CASTOR2: variants seen among roughly 807,000 people sequenced by gnomAD.
CASTOR2 encodes GATS protein like 2.
In CASTOR2, 8 loss-of-function variants were observed where a neutral mutation model predicts 31.2. The observed-to-expected ratio is 0.26, with a 90% CI of 0.15 to 0.46. The LOEUF (loss-of-function observed/expected upper bound fraction) is 0.46, where lower values mean the gene tolerates loss of function less well. Among genes scored for constraint, CASTOR2 ranks in the 20% least tolerant of loss-of-function variants. CASTOR2 has a pLI of 0.99. For missense variants in CASTOR2, 216 were observed against 382.1 expected, an observed-to-expected ratio of 0.57 and a Z score of 3.62; for synonymous variants, 162 against 158.7, an observed-to-expected ratio of 1.02 and a Z score of -0.16.
intron 1 of CASTOR2, among the ~76,000 whole-genome samples, chr7:75,005,160 C>T (rs1804579764): frequency 6.6e-6 from 1 of 152,178 alleles, no homozygotes; most frequent in African/African-American, 2.4e-5. Flanking sequence ...AGCCACCGCA[C>T]CCGGCCTAAA....
At chr7:74,975,294 A>G (rs1270219589) in intron 1 of CASTOR2, among the ~76,000 whole-genome samples, 12 of 150,752 alleles carry the variant, frequency 8.0e-5, no homozygotes, top group African/African-American at 2.9e-4. Context: ...GATTTTTTGT[A>G]CAGAGGGGGT....
In CASTOR2 at chr7:75,030,627, G is replaced by A. The variant is rs2131965516; in HGVS notation, c.*5928G>A. Reference sequence around the variant, plus strand: ...GGAGGCCTCAGTCCTTCCCCAGGTGGGCCAACCCACAGGGCTGCTTGAGTG... The same window carrying A: ...GGAGGCCTCAGTCCTTCCCCAGGTGAGCCAACCCACAGGGCTGCTTGAGTG... On this transcript the variant is annotated 3_prime_UTR_variant, in exon 9 of 9. Coordinates refer to ENST00000616305, the MANE Select transcript of CASTOR2 (RefSeq NM_001145064.3). Among the ~76,000 whole-genome samples the A allele has an allele frequency of 6.6e-6, 1 of 152,226 alleles. No homozygotes were observed. Among genetic ancestry groups the A allele is most frequent in the East Asian group, 1.9e-4 (1 of 5,180 alleles).
intron 1 of CASTOR2, among the ~76,000 whole-genome samples, chr7:75,000,505 G>A (rs1804468827): frequency 6.6e-6 from 1 of 152,132 alleles, no homozygotes; most frequent in Non-Finnish European, 1.5e-5. Context: ...CTTTAAGTAA[G>A]GCCCGAGAAT....
chr7:75,006,454 C>T (rs1309075417), intron 1 of CASTOR2, among the ~76,000 whole-genome samples: 1 of 152,174 alleles, frequency 6.6e-6, no homozygotes, highest in East Asian at 1.9e-4. Context: ...TGCAGGGCAG[C>T]TGGCAGGAGA....
chr7:75,011,602 G>C (rs1464934145), intron 2 of CASTOR2, among the ~76,000 whole-genome samples: 1 of 151,268 alleles, frequency 6.6e-6, no homozygotes, highest in Non-Finnish European at 1.5e-5. Flanking sequence ...CAGGCGTGGT[G>C]GTGGGCGCCT....
chr7:74,996,941 G>T (rs1211169425), intron 1 of CASTOR2, among the ~76,000 whole-genome samples: 2 of 150,218 alleles, frequency 1.3e-5, no homozygotes, highest in Admixed American at 6.7e-5. Context: ...CACCATGTTG[G>T]CCAGGTTGGT....
At chr7:75,011,286 G>A (rs1295189295) in intron 2 of CASTOR2, among the ~76,000 whole-genome samples, 5 of 151,828 alleles carry the variant, frequency 3.3e-5, no homozygotes, top group Admixed American at 6.6e-5. Context: ...AAAATTACCC[G>A]GGCATGGGGA....
intron 1 of CASTOR2, among the ~76,000 whole-genome samples, chr7:74,993,307 G>C (rs1372067574): frequency 6.6e-6 from 1 of 152,120 alleles, no homozygotes; most frequent in Non-Finnish European, 1.5e-5. Context: ...CTAGGTGTAT[G>C]CAAATGCAGG....
In CASTOR2 at chr7:75,025,337, C is replaced by G. The variant is rs919513216; in HGVS notation, c.*638C>G. On this transcript the variant is annotated 3_prime_UTR_variant, in exon 9 of 9. Coordinates refer to ENST00000616305, the MANE Select transcript of CASTOR2 (RefSeq NM_001145064.3). The stretch of plus-strand genomic sequence containing the variant: ...GCCTGCCAACCACAGGGCCTGGGCC[C>G]GACTCCCAGCAAGACTGCCAAGAGG... Among the ~76,000 whole-genome samples, 1 of 152,182 alleles carries G rather than the reference C, an allele frequency of 6.6e-6. No individual in the cohort carries two copies.
Position 75,024,827 on chromosome 7 carries a change from G to T in CASTOR2, c.*128G>T, listed in dbSNP as rs1213647356. ...CCCTGAGGAAGGGGCCTCTGTGGGA[G>T]ACTCCCTCGATTGCCAATCCCTCCA... On this transcript the variant is annotated 3_prime_UTR_variant, in exon 9 of 9. Transcript: ENST00000616305. 5 of 1,547,570 alleles carry T rather than the reference G, an allele frequency of 3.2e-6. No homozygotes were observed. The highest frequency in any genetic ancestry group is 4.4e-6 in the Non-Finnish European group (5 of 1,145,970).
chr7:74,986,467 G>A (rs1192183336), intron 1 of CASTOR2, among the ~76,000 whole-genome samples: 1 of 149,192 alleles, frequency 6.7e-6, no homozygotes, highest in Non-Finnish European at 1.5e-5. Context: ...TCCAGCCTGG[G>A]CAACAGAGGG....
chr7:75,007,394 A>G (rs1217899086), intron 1 of CASTOR2, among the ~76,000 whole-genome samples: 1 of 152,034 alleles, frequency 6.6e-6, no homozygotes, highest in East Asian at 1.9e-4. Context: ...TCCCAGGCTG[A>G]GTGGTGCTAT....
intron 7 of CASTOR2, among the ~76,000 whole-genome samples, chr7:75,022,271 G>A (rs1011664459): frequency 1.3e-5 from 2 of 152,180 alleles, no homozygotes; most frequent in Non-Finnish European, 2.9e-5. Context: ...TTGGGAGGCC[G>A]AGGTGGAAAG....
At position 75,028,548 on chromosome 7, in the gene CASTOR2, C is replaced by G. The variant is rs1805206969; in HGVS notation, c.*3849C>G. 1.3e-5 allele frequency among the ~76,000 whole-genome samples: 2 copies of G among 152,124 alleles called. 1 individual carries two copies. The highest frequency in any genetic ancestry group is 2.9e-5 in the Non-Finnish European group (2 of 68,014). On this transcript the variant is annotated 3_prime_UTR_variant, in exon 9 of 9. Coordinates refer to ENST00000616305, the MANE Select transcript of CASTOR2 (RefSeq NM_001145064.3). The stretch of plus-strand genomic sequence containing the variant: ...GATAGTCTCAACCCCACCCTCTCCC[C>G]TTGCTGCACTCAGAGTACCAGTGGG...
In CASTOR2 at chr7:75,028,199, C is replaced by G. The variant is rs1482547346; in HGVS notation, c.*3500C>G. The G allele has an allele frequency of 1.8e-5, 17 of 921,302 alleles. No individual in the cohort carries two copies. The highest frequency in any genetic ancestry group is 2.5e-5 in the Non-Finnish European group (16 of 635,032). The allele number at this position is 921,302 out of a possible 1,614,324, so 57.1% of individuals were successfully genotyped here. ...GTGGCATGATCTCAGCTCACTGCAG[C>G]AACCTCCACTTCCTGGGTTCAAGCG... On this transcript the variant is annotated 3_prime_UTR_variant, in exon 9 of 9. Coordinates refer to ENST00000616305, the MANE Select transcript of CASTOR2 (RefSeq NM_001145064.3).
At chr7:75,015,031 C>G (rs1804836075) in intron 2 of CASTOR2, among the ~76,000 whole-genome samples, 1 of 152,236 alleles carries the variant, frequency 6.6e-6, no homozygotes, top group African/African-American at 2.4e-5. Flanking sequence ...AGCCGCCTGC[C>G]TCTCTAGCCA....
chr7:75,010,773 C>T (rs1186843715), intron 2 of CASTOR2, among the ~76,000 whole-genome samples: 1 of 152,044 alleles, frequency 6.6e-6, no homozygotes, highest in Admixed American at 6.6e-5. Context: ...GGGTGCGTTT[C>T]CTGGTCAGCA....
intron 2 of CASTOR2, among the ~76,000 whole-genome samples, chr7:75,010,544 G>A (rs1436707475): frequency 6.6e-6 from 1 of 152,106 alleles, no homozygotes; most frequent in Non-Finnish European, 1.5e-5. Flanking sequence ...CTGGCCCAGG[G>A]AAGGAATTGC....
Position 75,026,596 on chromosome 7 carries a change from AAGG to A in CASTOR2, c.*1900_*1902del, listed in dbSNP as rs1458131450. 1.3e-5 allele frequency among the ~76,000 whole-genome samples: 2 copies of A among 151,990 alleles called. No individual in the cohort carries two copies. The highest frequency in any genetic ancestry group is 2.9e-5 in the Non-Finnish European group (2 of 68,002). On this transcript the variant is annotated 3_prime_UTR_variant, in exon 9 of 9. Transcript: ENST00000616305. ...CCTCTGAGCCCTGGAAGCCCACCAG[AAGG>A]AGAAGCTGTTCTTTAAAATCCTTGT...
Sources: gnomAD v4.1 joint callset for allele counts (sites outside exome capture counted in the v4.1 genomes callset) on GRCh38, gnomAD v4.1.1 for gene constraint, MANE v1.5 for transcripts, NCBI Gene and HGNC (gene_info 2026-07-23, HGNC 2026-07-21) for gene names.